Variants in TMEFF2 observed in about 807,000 individuals in gnomAD.
The protein encoded by TMEFF2 is tomoregulin-2.
TMEFF2 carries 28 observed loss-of-function variants against 53.8 expected under a neutral mutation model. The ratio of observed to expected loss-of-function variants is 0.52; its 90% CI spans 0.39 to 0.71. The LOEUF (loss-of-function observed/expected upper bound fraction) is 0.71, where lower values mean the gene tolerates loss of function less well. Among genes scored for constraint, TMEFF2 ranks in the 30% least tolerant of loss-of-function variants. The pLI, the probability that TMEFF2 is intolerant of heterozygous loss-of-function variation, is 0.00. For missense variants in TMEFF2, 353 were observed against 455.2 expected, an observed-to-expected ratio of 0.78 and a Z score of 2.04; for synonymous variants, 162 against 166.3, an observed-to-expected ratio of 0.97 and a Z score of 0.20.
At chr2:192,177,362 G>C (rs1329847937) in intron 4 of TMEFF2, 1 of 151,036 alleles carries the variant, frequency 6.6e-6, no homozygotes, top group East Asian at 1.9e-4. Flanking sequence ...AGGTTTTTAG[G>C]TTTTAGTTAC....
At chr2:191,958,542 G>T (rs1475299565) in intron 7 of TMEFF2, among the ~76,000 whole-genome samples, 2 of 152,056 alleles carry the variant, frequency 1.3e-5, no homozygotes, top group Non-Finnish European at 2.9e-5. Flanking sequence ...TTTGTTTCTG[G>T]ATTCGTGCCA....
intron 4 of TMEFF2, among the ~76,000 whole-genome samples, chr2:192,063,345 G>C (rs182203336): frequency 2.1e-3 from 326 of 151,648 alleles, no homozygotes; most frequent in African/African-American, 7.6e-3. Flanking sequence ...TCTTTGGGGG[G>C]TTTTCAAATG....
intron 5 of TMEFF2, among the ~76,000 whole-genome samples, chr2:192,018,901 G>T (rs1574294961): frequency 6.6e-6 from 1 of 151,528 alleles, no homozygotes; most frequent in Non-Finnish European, 1.5e-5. Context: ...TTCTTAATTT[G>T]CTGTACTTAT....
chr2:191,959,459 C>T (rs1201428717), intron 7 of TMEFF2, among the ~76,000 whole-genome samples: 1 of 152,200 alleles, frequency 6.6e-6, no homozygotes, highest in Non-Finnish European at 1.5e-5. Context: ...CATATTGTTT[C>T]TACCCTGGTG....
chr2:191,995,539 T>G (rs1330124045), intron 7 of TMEFF2, among the ~76,000 whole-genome samples: 1 of 152,008 alleles, frequency 6.6e-6, no homozygotes, highest in East Asian at 1.9e-4. Flanking sequence ...TTTTAGCATA[T>G]GAAATAGTAA....
intron 4 of TMEFF2, among the ~76,000 whole-genome samples, chr2:192,102,827 T>G (rs1009170192): frequency 6.6e-6 from 1 of 151,890 alleles, no homozygotes; most frequent in Non-Finnish European, 1.5e-5. Context: ...CACCTCAACC[T>G]CCGAAAGTAT....
At chr2:191,988,800 T>TTTTG (rs1553510544) in intron 7 of TMEFF2, among the ~76,000 whole-genome samples, 4 of 151,994 alleles carry the variant, frequency 2.6e-5, no homozygotes, top group Admixed American at 1.3e-4. Flanking sequence ...AGAGGTTTTT[T>TTTTG]TTTTTTGTTT....
At chr2:192,189,201 A>G (rs934205956) in intron 2 of TMEFF2, among the ~76,000 whole-genome samples, 2 of 152,058 alleles carry the variant, frequency 1.3e-5, no homozygotes, top group Non-Finnish European at 2.9e-5. Flanking sequence ...TTATAGGTAT[A>G]AAAATATATG....
At chr2:192,114,214 G>C (rs1198947242) in intron 4 of TMEFF2, among the ~76,000 whole-genome samples, 1 of 151,550 alleles carries the variant, frequency 6.6e-6, no homozygotes, top group Non-Finnish European at 1.5e-5. Flanking sequence ...TATAGCCCTT[G>C]ATCCAAAAGA....
chr2:192,100,688 G>A (rs1407662155), intron 4 of TMEFF2, among the ~76,000 whole-genome samples: 1 of 152,148 alleles, frequency 6.6e-6, no homozygotes, highest in African/African-American at 2.4e-5. Flanking sequence ...AAATGAAGGG[G>A]ATAACAAGGT....
At chr2:192,149,992 C>T (rs1031607751) in intron 4 of TMEFF2, among the ~76,000 whole-genome samples, 2 of 151,892 alleles carry the variant, frequency 1.3e-5, no homozygotes, top group African/African-American at 4.8e-5. Context: ...TACAGCAATT[C>T]TTTGTAAGGC....
intron 5 of TMEFF2, among the ~76,000 whole-genome samples, chr2:192,050,480 C>G (rs1192425327): frequency 1.3e-5 from 2 of 151,552 alleles, no homozygotes; most frequent in African/African-American, 4.9e-5. Context: ...CTTTCATAAC[C>G]CTCCTTTTTC....
intron 4 of TMEFF2, among the ~76,000 whole-genome samples, chr2:192,161,782 C>G (rs1690640562): frequency 6.6e-6 from 1 of 152,110 alleles, no homozygotes; most frequent in Admixed American, 6.5e-5. Context: ...TTTTTAATCT[C>G]TGGTCTCTCA....
At chr2:192,044,846 T>A (rs145097064) in intron 5 of TMEFF2, among the ~76,000 whole-genome samples, 89 of 152,308 alleles carry the variant, frequency 5.8e-4, no homozygotes, top group African/African-American at 2.0e-3. Flanking sequence ...TATGCACTAC[T>A]AAGTTACTAT....
chr2:191,965,039 A>C (rs778767869), intron 7 of TMEFF2, among the ~76,000 whole-genome samples: 12 of 152,154 alleles, frequency 7.9e-5, no homozygotes, highest in Admixed American at 3.9e-4. Context: ...GTTGCAGTTT[A>C]AACATTTTCC....
At chr2:191,969,189 G>A (rs1692559883) in intron 7 of TMEFF2, among the ~76,000 whole-genome samples, 1 of 150,494 alleles carries the variant, frequency 6.6e-6, no homozygotes, top group African/African-American at 2.5e-5. Flanking sequence ...CTAACGTTTA[G>A]GACAGAGACT....
intron 7 of TMEFF2, among the ~76,000 whole-genome samples, chr2:191,989,936 C>T (rs1686063011): frequency 6.6e-6 from 1 of 152,084 alleles, no homozygotes; most frequent in African/African-American, 2.4e-5. Flanking sequence ...CTGAGAATAC[C>T]AAACCCCTTC....
chr2:192,100,887 G>A (rs1689017417), intron 4 of TMEFF2, among the ~76,000 whole-genome samples: 1 of 152,028 alleles, frequency 6.6e-6, no homozygotes, highest in Admixed American at 6.6e-5. Flanking sequence ...CCTTATATGA[G>A]TTCCTTTTGA....
intron 5 of TMEFF2, among the ~76,000 whole-genome samples, chr2:192,038,775 C>T (rs1452168913): frequency 6.6e-6 from 1 of 152,108 alleles, no homozygotes; most frequent in Non-Finnish European, 1.5e-5. Context: ...TCGTGAGACA[C>T]CCTGCCCAGC....
Sources: allele counts gnomAD v4.1 joint callset (sites outside exome capture counted in the v4.1 genomes callset), GRCh38; gene constraint gnomAD v4.1.1; transcripts MANE v1.5; gene names NCBI Gene and HGNC (gene_info 2026-07-23, HGNC 2026-07-21).